Variants in TSHZ2 observed in about 807,000 individuals in gnomAD.
TSHZ2 encodes the protein teashirt homolog 2.
A neutral mutation model predicts 74.4 loss-of-function variants in TSHZ2; 21 were observed. The ratio of observed to expected loss-of-function variants is 0.28; its 90% CI spans 0.20 to 0.41. The LOEUF is 0.41. Ranked by LOEUF, TSHZ2 falls within the 10% of genes least tolerant of loss-of-function variation. TSHZ2 has a pLI of 1.00. For synonymous variants in TSHZ2, 540 were observed against 515.3 expected, an observed-to-expected ratio of 1.05 and a Z score of -0.65; for missense variants, 1,244 against 1,293.5, an observed-to-expected ratio of 0.96 and a Z score of 0.59.
At chr20:53,135,154 A>G (rs1270009591) in intron 1 of TSHZ2, among the ~76,000 whole-genome samples, 1 of 152,142 alleles carries the variant, frequency 6.6e-6, no homozygotes, top group African/African-American at 2.4e-5. Flanking sequence ...TTTTAAAATT[A>G]TCATATGGTA....
chr20:53,255,160 C>T lies in TSHZ2; in HGVS notation c.1702C>T (p.Arg568Trp), dbSNP rs145683350. The T allele has an allele frequency of 1.4e-4, 228 of 1,614,028 alleles. No individual in the cohort carries two copies. The highest frequency in any genetic ancestry group is 7.7e-5 in the South Asian group (7 of 91,070). ...TATGGGATCCCAGGTACTGCAGATC[C>T]GGCCTAATCTCACCAACAAGCTGAG... The part of the protein sequence containing the change: ...LPMGSQVLQI[R>W]PNLTNKLRPI... The change falls in exon 2 of 3, where the codon CGG becomes TGG. Residue 568 changes from arginine (R) to tryptophan (W), a missense_variant. Arg to Trp is a moderately radical substitution (Grantham distance 101). Coordinates refer to ENST00000371497, the MANE Select transcript of TSHZ2 (RefSeq NM_173485.6). This position sits in a 1 kb window ranked among gnomAD's most constrained non-coding sequence, Gnocchi z 4.1.
chr20:53,441,165 A>C (rs1984297641), intron 2 of TSHZ2, among the ~76,000 whole-genome samples: 2 of 152,338 alleles, frequency 1.3e-5, no homozygotes, highest in Admixed American at 6.5e-5. Flanking sequence ...AGCCATCAGT[A>C]AAACTTCTGC....
chr20:52,989,180 A>G (rs1177803825), intron 1 of TSHZ2, among the ~76,000 whole-genome samples: 2 of 151,318 alleles, frequency 1.3e-5, no homozygotes, highest in African/African-American at 4.9e-5. Context: ...AAAAAAAAAA[A>G]ATCAATTGTT....
At chr20:53,425,853 G>T (rs937574738) in intron 2 of TSHZ2, among the ~76,000 whole-genome samples, 4 of 151,328 alleles carry the variant, frequency 2.6e-5, no homozygotes, top group Admixed American at 2.6e-4. Context: ...TAACACCTGG[G>T]TCATACAGAA....
chr20:53,072,395 T>C (rs927530608), intron 1 of TSHZ2, among the ~76,000 whole-genome samples: 3 of 152,246 alleles, frequency 2.0e-5, no homozygotes, highest in African/African-American at 7.2e-5. Context: ...AAAGGGGTCC[T>C]ACTATGTTTC....
intron 1 of TSHZ2, among the ~76,000 whole-genome samples, chr20:53,034,874 G>A (rs1432659199): frequency 6.6e-6 from 1 of 152,218 alleles, no homozygotes; most frequent in African/African-American, 2.4e-5. Context: ...TTCTGAGTGT[G>A]ATGGAAACGA....
chr20:53,269,859 C>T (rs1285581895), intron 2 of TSHZ2, among the ~76,000 whole-genome samples: 1 of 151,702 alleles, frequency 6.6e-6, no homozygotes, highest in Non-Finnish European at 1.5e-5. Flanking sequence ...ATTTATTGAG[C>T]ACTGTTTGAA....
At chr20:53,363,775 T>C (rs948252635) in intron 2 of TSHZ2, among the ~76,000 whole-genome samples, 7 of 152,194 alleles carry the variant, frequency 4.6e-5, no homozygotes. Context: ...ATCATACTAC[T>C]GTGCTCCAGC....
At chr20:53,264,788 C>T (rs2123746125) in intron 2 of TSHZ2, among the ~76,000 whole-genome samples, 1 of 152,296 alleles carries the variant, frequency 6.6e-6, no homozygotes, top group African/African-American at 2.4e-5. Context: ...CTACAGGGAG[C>T]ACTCACTGTA....
At chr20:52,980,666 A>T (rs138044417) in intron 1 of TSHZ2, among the ~76,000 whole-genome samples, 33 of 152,358 alleles carry the variant, frequency 2.2e-4, no homozygotes, top group Admixed American at 2.1e-3. Flanking sequence ...ATGAGATAAA[A>T]ACAGAGTTGG....
chr20:53,329,426 T>G (rs765237023), intron 2 of TSHZ2, among the ~76,000 whole-genome samples: 67 of 152,332 alleles, frequency 4.4e-4, no homozygotes, highest in Admixed American at 4.2e-3. Flanking sequence ...AGGACTGTAT[T>G]TCTGTGATCT....
chr20:53,317,477 G>C (rs924425279), intron 2 of TSHZ2, among the ~76,000 whole-genome samples: 1 of 152,130 alleles, frequency 6.6e-6, no homozygotes, highest in Non-Finnish European at 1.5e-5. Context: ...AAATAAAGAC[G>C]TTATCTGATG....
At chr20:53,469,043 TTTTA>T (rs1278285428) in intron 2 of TSHZ2, among the ~76,000 whole-genome samples, 4 of 13,694 alleles carry the variant, frequency 2.9e-4, no homozygotes, top group Admixed American at 1.2e-3. Flanking sequence ...GAAATCGATA[TTTTA>T]TATATATATA....
At chr20:53,376,036 G>A (rs1205021245) in intron 2 of TSHZ2, among the ~76,000 whole-genome samples, 1 of 152,212 alleles carries the variant, frequency 6.6e-6, no homozygotes, top group East Asian at 1.9e-4. Flanking sequence ...TAATGAGGAA[G>A]CCTTGCCTTA....
At chr20:53,100,309 C>T (rs1201551550) in intron 1 of TSHZ2, among the ~76,000 whole-genome samples, 1 of 152,180 alleles carries the variant, frequency 6.6e-6, no homozygotes, top group Non-Finnish European at 1.5e-5. Context: ...TCCCGTTTTC[C>T]AGGTCATTGC....
intron 1 of TSHZ2, among the ~76,000 whole-genome samples, chr20:53,077,668 T>C (rs1281112590): frequency 6.6e-6 from 1 of 152,108 alleles, no homozygotes; most frequent in Non-Finnish European, 1.5e-5. Flanking sequence ...GACAGGGTAG[T>C]GGAGGTATCA....
chr20:53,083,144 A>G (rs1210601278), intron 1 of TSHZ2, among the ~76,000 whole-genome samples: 1 of 152,246 alleles, frequency 6.6e-6, no homozygotes, highest in Non-Finnish European at 1.5e-5. Flanking sequence ...TGATGTAGGT[A>G]TACAGCTAAT....
chr20:53,342,060 C>T (rs1980226235), intron 2 of TSHZ2, among the ~76,000 whole-genome samples: 1 of 152,078 alleles, frequency 6.6e-6, no homozygotes, highest in Non-Finnish European at 1.5e-5. Flanking sequence ...CCAAAGAGCC[C>T]CCACATGCCC....
Position 53,254,013 on chromosome 20 carries a change from C to G in TSHZ2, c.555C>G (p.Ser185=). ...TGCAGCAGAACTTGCCTTCTCGGTCCGTCTCGAAACCCAGCCTGTTCAGCT... is the reference window on the plus strand; with the variant it reads ...TGCAGCAGAACTTGCCTTCTCGGTCGGTCTCGAAACCCAGCCTGTTCAGCT... ...KSLQQNLPSR[S]VSKPSLFSSV... is the part of the protein sequence containing the mutation. The change falls in exon 2 of 3, where the codon TCC becomes TCG. Residue 185 remains serine, a synonymous_variant. Coordinates refer to ENST00000371497, the MANE Select transcript of TSHZ2 (RefSeq NM_173485.6). 3 of 1,614,100 alleles carry G rather than the reference C, an allele frequency of 1.9e-6. No individual in the cohort carries two copies. The highest frequency in any genetic ancestry group is 2.5e-6 in the Non-Finnish European group (3 of 1,180,016).
Sources: allele counts gnomAD v4.1 joint callset (sites outside exome capture counted in the v4.1 genomes callset), GRCh38; gene constraint gnomAD v4.1.1; non-coding constraint Gnocchi (gnomAD v3.1); transcripts MANE v1.5; gene names NCBI Gene and HGNC (gene_info 2026-07-23, HGNC 2026-07-21).